Variants in WDR7 observed in about 807,000 individuals in gnomAD.
WDR7 encodes WD repeat domain 7.
In WDR7, 46 loss-of-function variants were observed where a neutral mutation model predicts 169.4. The observed-to-expected ratio is 0.27, with a 90% CI of 0.21 to 0.35. The LOEUF (loss-of-function observed/expected upper bound fraction) is 0.35. Ranked by LOEUF, WDR7 falls within the 10% of genes least tolerant of loss-of-function variation. The pLI, the probability that WDR7 is intolerant of heterozygous loss-of-function variation, is 1.00. For missense variants in WDR7, 1,534 were observed against 1,859.3 expected (o/e 0.83, Z 3.22); for synonymous variants, 612 against 666.8 (o/e 0.92, Z 1.27).
intron 21 of WDR7, among the ~76,000 whole-genome samples, chr18:56,912,902 T>A (rs2046572152): frequency 6.6e-6 from 1 of 151,508 alleles, no homozygotes; most frequent in Non-Finnish European, 1.5e-5. Context: ...TTTGAGACGG[T>A]CTCACTCTGT....
At chr18:56,656,339 G>A (rs1351765277) in intron 1 of WDR7, among the ~76,000 whole-genome samples, 2 of 150,738 alleles carry the variant, frequency 1.3e-5, no homozygotes, top group African/African-American at 4.9e-5. Context: ...GAGTGCAGTG[G>A]CGCAATCTTG....
chr18:56,932,817 C>T (rs1366317178), intron 22 of WDR7, among the ~76,000 whole-genome samples: 1 of 152,038 alleles, frequency 6.6e-6, no homozygotes, highest in Non-Finnish European at 1.5e-5. Flanking sequence ...CCCTGAAGAT[C>T]TGTCAACTGA....
intron 11 of WDR7, 102 bp downstream of exon 11, chr18:56,695,300 T>C: frequency 6.9e-7 from 1 of 1,443,394 alleles, no homozygotes; most frequent in Non-Finnish European, 9.3e-7. Flanking sequence ...AGTGAATCAG[T>C]GTAGTTAGTT....
intron 25 of WDR7, chr18:56,957,480 A>G (rs978145053): frequency 2.0e-5 from 3 of 152,028 alleles, no homozygotes; most frequent in African/African-American, 4.8e-5. Context: ...AAAAAAAAAA[A>G]AAAAGGTAGA....
At chr18:56,716,811 G>T (rs1300242210) in intron 12 of WDR7, among the ~76,000 whole-genome samples, 1 of 152,198 alleles carries the variant, frequency 6.6e-6, no homozygotes, top group Non-Finnish European at 1.5e-5. Flanking sequence ...GTTCTTGGAA[G>T]TTCTGTGGTT....
chr18:56,680,062 T>C (rs1384929200), intron 3 of WDR7, among the ~76,000 whole-genome samples: 2 of 152,116 alleles, frequency 1.3e-5, no homozygotes. Context: ...AAGAGAATTA[T>C]ATAAGAAATT....
intron 20 of WDR7, among the ~76,000 whole-genome samples, chr18:56,845,457 G>A (rs1231476997): frequency 6.6e-6 from 1 of 151,854 alleles, no homozygotes. Flanking sequence ...AATATTTCTG[G>A]AGATTATAAA....
At chr18:57,016,202 C>T (rs1172030529) in intron 26 of WDR7, among the ~76,000 whole-genome samples, 4 of 152,108 alleles carry the variant, frequency 2.6e-5, no homozygotes, top group East Asian at 1.9e-4. Context: ...ACAGCCACAC[C>T]GGCCGCTTCC....
intron 20 of WDR7, among the ~76,000 whole-genome samples, chr18:56,828,569 ATATT>A (rs2045252660): frequency 6.6e-6 from 1 of 152,180 alleles, no homozygotes. Context: ...AAAATATTAA[ATATT>A]AATTAAAATA....
intron 22 of WDR7, among the ~76,000 whole-genome samples, chr18:56,931,150 C>T (rs1007984749): frequency 3.3e-5 from 5 of 151,906 alleles, no homozygotes; most frequent in Non-Finnish European, 7.4e-5. Context: ...TAAAGAGAAC[C>T]GAAAGACCCA....
At chr18:56,900,497 G>A (rs1038902252) in intron 21 of WDR7, among the ~76,000 whole-genome samples, 1 of 152,074 alleles carries the variant, frequency 6.6e-6, no homozygotes, top group Admixed American at 6.6e-5. Context: ...ACTAAAAGAG[G>A]TAAAAAGAGA....
intron 21 of WDR7, among the ~76,000 whole-genome samples, chr18:56,882,734 C>G (rs1031323278): frequency 3.3e-5 from 5 of 152,144 alleles, no homozygotes; most frequent in Non-Finnish European, 7.3e-5. Context: ...CTAAAACTAC[C>G]TATTCCTTGA....
chr18:56,938,197 G>A (rs976366016), intron 23 of WDR7, among the ~76,000 whole-genome samples: 4 of 152,134 alleles, frequency 2.6e-5, no homozygotes, highest in African/African-American at 9.7e-5. Flanking sequence ...AGCAAGGATC[G>A]TATCTTTTAC....
intron 19 of WDR7, among the ~76,000 whole-genome samples, chr18:56,814,856 A>G (rs2044937027): frequency 6.6e-6 from 1 of 152,134 alleles, no homozygotes; most frequent in Non-Finnish European, 1.5e-5. Flanking sequence ...TTTATTCATC[A>G]GGGATCATTC....
chr18:56,967,744 C>T (rs1221525260), intron 26 of WDR7, among the ~76,000 whole-genome samples: 1 of 152,182 alleles, frequency 6.6e-6, no homozygotes, highest in Non-Finnish European at 1.5e-5. Context: ...CTCTAGGCCA[C>T]CCTGGGATAC....
At chr18:56,695,864 T>TA (rs1181253264) in intron 11 of WDR7, among the ~76,000 whole-genome samples, 1 of 152,230 alleles carries the variant, frequency 6.6e-6, no homozygotes, top group Admixed American at 6.5e-5. Flanking sequence ...ATAGCTGTGT[T>TA]AAAAAATAAA....
At chr18:56,792,533 A>G (rs2044506097) in intron 19 of WDR7, among the ~76,000 whole-genome samples, 2 of 152,170 alleles carry the variant, frequency 1.3e-5, no homozygotes, top group Non-Finnish European at 2.9e-5. Context: ...TTTAGGTAGT[A>G]AACTTACACA....
intron 14 of WDR7, among the ~76,000 whole-genome samples, chr18:56,734,384 C>T (rs955335320): frequency 2.0e-5 from 3 of 152,096 alleles, no homozygotes; most frequent in Admixed American, 1.3e-4. Context: ...GGATGCTGAG[C>T]ATCATTTCTG....
chr18:56,877,342 T>C (rs2046037563), intron 20 of WDR7, among the ~76,000 whole-genome samples: 2 of 152,314 alleles, frequency 1.3e-5, no homozygotes, highest in South Asian at 4.1e-4. Flanking sequence ...CTGCTACTTT[T>C]GCCACCATAT....
Sources: gnomAD v4.1 joint callset for allele counts (sites outside exome capture counted in the v4.1 genomes callset) on GRCh38, gnomAD v4.1.1 for gene constraint, MANE v1.5 for transcripts, NCBI Gene and HGNC (gene_info 2026-07-23, HGNC 2026-07-21) for gene names.